MYT1L: variants seen among roughly 807,000 people sequenced by gnomAD.
MYT1L encodes the protein myelin transcription factor 1-like protein.
In MYT1L, 12 loss-of-function variants were observed where a neutral mutation model predicts 126.7. That is an observed-to-expected ratio of 0.09 (90% confidence interval 0.06 to 0.15). The LOEUF (loss-of-function observed/expected upper bound fraction) is 0.15. Ranked by LOEUF, MYT1L falls within the 10% of genes least tolerant of loss-of-function variation. The pLI is 1.00. For missense variants in MYT1L, 979 were observed against 1,585.2 expected (o/e 0.62, Z 6.49); for synonymous variants, 541 against 604.2 (o/e 0.90, Z 1.53).
intron 18 of MYT1L, chr2:1,883,852 G>C (rs533890185): frequency 6.6e-6 from 1 of 152,218 alleles, no homozygotes; most frequent in Non-Finnish European, 1.5e-5. Context: ...AGGGAGCAAA[G>C]AAAGCAACAG....
rs545868195 is a variant in MYT1L, at chr2:2,215,252, CAGA to C, written c.-420-42267_-420-42265del. ...TTATCTAAACACAGTAATAAAAATG[CAGA>C]AGTTGTTGAATTAGATACAATGTAA... On this transcript the variant is annotated intron_variant, in intron 2 of 24. Coordinates refer to ENST00000647738, the MANE Select transcript of MYT1L (RefSeq NM_001303052.2). 5.3e-3 allele frequency among the ~76,000 whole-genome samples: 812 copies of C among 152,212 alleles called. 3 individuals carry two copies. The highest frequency in any genetic ancestry group is 0.011 in the South Asian group (53 of 4,822).
chr2:2,302,313 T>G (rs112616585), intron 1 of MYT1L, among the ~76,000 whole-genome samples: 221 of 152,362 alleles, frequency 1.5e-3, no homozygotes, highest in African/African-American at 5.0e-3. Flanking sequence ...AGTCAGTGAA[T>G]GCTGTCTAAA....
intron 4 of MYT1L, among the ~76,000 whole-genome samples, chr2:2,013,460 C>G (rs2064039898): frequency 6.6e-6 from 1 of 152,236 alleles, no homozygotes; most frequent in Non-Finnish European, 1.5e-5. Context: ...AGCCTAGAAC[C>G]TGAAACATTA....
chr2:2,050,860 G>A (rs2068746593), intron 4 of MYT1L, among the ~76,000 whole-genome samples: 1 of 152,106 alleles, frequency 6.6e-6, no homozygotes, highest in Non-Finnish European at 1.5e-5. Flanking sequence ...CTGAGGGTAG[G>A]ACTAGCAGAA....
intron 3 of MYT1L, among the ~76,000 whole-genome samples, chr2:2,155,088 T>C (rs1024405142): frequency 1.5e-4 from 23 of 152,166 alleles, no homozygotes; most frequent in Non-Finnish European, 5.9e-5. Context: ...GATCGTGCCA[T>C]TGCACTGCAG....
At chr2:2,076,621 G>T (rs929174414) in intron 3 of MYT1L, among the ~76,000 whole-genome samples, 5 of 152,108 alleles carry the variant, frequency 3.3e-5, no homozygotes, top group African/African-American at 1.2e-4. Context: ...AATTTTACCA[G>T]GAAAGTTACT....
At chr2:1,959,973 G>A (rs914651050) in intron 8 of MYT1L, among the ~76,000 whole-genome samples, 3 of 152,192 alleles carry the variant, frequency 2.0e-5, no homozygotes, top group Admixed American at 2.0e-4. Flanking sequence ...TCAGTCATTT[G>A]TCCTACTATT....
chr2:2,194,550 G>A (rs1468048082), intron 2 of MYT1L, among the ~76,000 whole-genome samples: 1 of 152,130 alleles, frequency 6.6e-6, no homozygotes, highest in Non-Finnish European at 1.5e-5. Flanking sequence ...GGAAGCTTTG[G>A]GCTGTGTGTA....
At chr2:2,212,230 AACT>A (rs758425818) in intron 2 of MYT1L, among the ~76,000 whole-genome samples, 21,967 of 152,124 alleles carry the variant, frequency 0.14, 1,714 homozygotes, top group African/African-American at 0.19. Flanking sequence ...ATGGGCATTT[AACT>A]TTGAACACCA....
intron 2 of MYT1L, among the ~76,000 whole-genome samples, chr2:2,243,473 A>G (rs2094475572): frequency 6.6e-6 from 1 of 152,214 alleles, no homozygotes; most frequent in South Asian, 2.1e-4. Context: ...GCACAAACTA[A>G]TTGACTTCAT....
At position 1,956,022 on chromosome 2, in the gene MYT1L, T is replaced by C. The variant is rs1349600197; in HGVS notation, c.153-12688A>G. Among the ~76,000 whole-genome samples, 4 of 152,082 alleles carry C rather than the reference T, an allele frequency of 2.6e-5. No individual in the cohort carries two copies. In the East Asian group the frequency reaches 7.7e-4, roughly 29 times the overall value. ...ATATGATGTTCCAAGCTGTAGATCT[T>C]CATCATCCCTAGTTCTATGTATCTA... On this transcript the variant is annotated intron_variant, in intron 8 of 24. Transcript: ENST00000647738.
chr2:1,831,701 G>A (rs1278241935), intron 21 of MYT1L, among the ~76,000 whole-genome samples: 1 of 152,140 alleles, frequency 6.6e-6, no homozygotes, highest in East Asian at 1.9e-4. Flanking sequence ...CCAGTATTGT[G>A]TGTGTTCTTT....
intron 3 of MYT1L, among the ~76,000 whole-genome samples, chr2:2,105,648 G>A (rs528219168): frequency 5.5e-4 from 83 of 152,216 alleles, no homozygotes; most frequent in African/African-American, 1.8e-3. Context: ...TTTCAAACAC[G>A]TTTAAAAAGT....
chr2:1,947,617 G>A (rs11678039), intron 8 of MYT1L, among the ~76,000 whole-genome samples: 35,895 of 152,108 alleles, frequency 0.24, 4,273 homozygotes, highest in East Asian at 0.31. Flanking sequence ...CAGAGGGCCC[G>A]CCCACTTTCA....
intron 18 of MYT1L, among the ~76,000 whole-genome samples, chr2:1,867,471 C>T (rs2045729968): frequency 6.6e-6 from 1 of 152,168 alleles, no homozygotes; most frequent in Non-Finnish European, 1.5e-5. Flanking sequence ...TAATCACCAA[C>T]TTGAATCCAA....
At chr2:2,243,144 C>T (rs181206356) in intron 2 of MYT1L, among the ~76,000 whole-genome samples, 1 of 152,242 alleles carries the variant, frequency 6.6e-6, no homozygotes. Context: ...AGTTGGAAAA[C>T]CAAAGGAGAA....
chr2:2,149,014 C>T (rs1289959953), intron 3 of MYT1L, among the ~76,000 whole-genome samples: 3 of 151,994 alleles, frequency 2.0e-5, no homozygotes, highest in Non-Finnish European at 4.4e-5. Flanking sequence ...GTTCTGGAGG[C>T]GGCTGTCACC....
At chr2:2,123,879 T>C (rs964629822) in intron 3 of MYT1L, among the ~76,000 whole-genome samples, 2 of 152,060 alleles carry the variant, frequency 1.3e-5, no homozygotes, top group African/African-American at 4.8e-5. Flanking sequence ...AAAGCAGACA[T>C]TAGCATGTGG....
At chr2:1,996,962 C>A (rs536847937) in intron 5 of MYT1L, among the ~76,000 whole-genome samples, 2 of 139,912 alleles carry the variant, frequency 1.4e-5, no homozygotes, top group Non-Finnish European at 3.0e-5. Flanking sequence ...GTGGGCTGCA[C>A]AGAACCGAGT....
Sources: allele counts gnomAD v4.1 joint callset (sites outside exome capture counted in the v4.1 genomes callset), GRCh38; gene constraint gnomAD v4.1.1; transcripts MANE v1.5; gene names NCBI Gene and HGNC (gene_info 2026-07-23, HGNC 2026-07-21).